The following RPA3 variants were observed in gnomAD, a reference collection of about 807,000 sequenced individuals.
The protein encoded by RPA3 is replication protein A 14 kDa subunit.
Under a neutral mutation model 13.7 loss-of-function variants are expected in RPA3, and 24 were observed. The ratio of observed to expected loss-of-function variants is 1.75; its 90% CI spans 1.27 to 2.46. RPA3 has a LOEUF of 2.46. Among genes scored for constraint, RPA3 ranks in the 30% most tolerant of loss-of-function variants. The pLI, the probability that RPA3 is intolerant of heterozygous loss-of-function variation, is 0.00. For synonymous variants in RPA3, 59 were observed against 51.2 expected (o/e 1.15, Z -0.65); for missense variants, 183 against 151.0 (o/e 1.21, Z -1.11).
chr7:7,709,519 C>G lies in RPA3; in HGVS notation c.-1028+5656G>C, dbSNP rs562842006. On this transcript the variant is annotated intron_variant, in intron 2 of 7. Coordinates refer to ENST00000223129, the MANE Select transcript of RPA3 (RefSeq NM_002947.5). ...GGAGAGAAGGTGAATGACTGGGGGA[C>G]TTGAAGTTGAAAGAAAAGTCAGGCG... Among the ~76,000 whole-genome samples the G allele has an allele frequency of 4.3e-4, 66 of 152,284 alleles. No homozygotes were observed. In the South Asian group the frequency reaches 4.6e-3, roughly 11 times the overall value.
intron 6 of RPA3, 86 bp from the exon 7 acceptor site, chr7:7,638,058 T>C: frequency 1.2e-6 from 1 of 862,542 alleles, no homozygotes; most frequent in Non-Finnish European, 1.8e-6. Flanking sequence ...AGGTTACTAA[T>C]CTATCACTTC....
At chr7:7,649,990 G>A (rs905643935) in intron 4 of RPA3, among the ~76,000 whole-genome samples, 1 of 152,194 alleles carries the variant, frequency 6.6e-6, no homozygotes, top group Non-Finnish European at 1.5e-5. Flanking sequence ...CCAGCCTCTA[G>A]GACTGTGAGA....
intron 4 of RPA3, chr7:7,676,130 G>A: frequency 2.5e-6 from 1 of 398,596 alleles, no homozygotes; most frequent in African/African-American, 2.1e-5. Flanking sequence ...CCAGTGACGT[G>A]CTGTTAAAAG....
intron 2 of RPA3, among the ~76,000 whole-genome samples, chr7:7,695,661 TAAA>T (rs1396844654): frequency 6.6e-6 from 1 of 152,272 alleles, no homozygotes; most frequent in Non-Finnish European, 1.5e-5. Context: ...GGCCCTGAAT[TAAA>T]AAAGACATTG....
chr7:7,709,002 G>T (rs1353286210), intron 2 of RPA3, among the ~76,000 whole-genome samples: 2 of 151,926 alleles, frequency 1.3e-5, no homozygotes, highest in African/African-American at 2.4e-5. Context: ...AGGAAAAGAG[G>T]AGAGGAGGAG....
chr7:7,676,156 A>G, intron 4 of RPA3: 1 of 398,656 alleles, frequency 2.5e-6, no homozygotes, highest in Non-Finnish European at 4.4e-6. Flanking sequence ...ACCCTGGGTC[A>G]GACCCTTTGG....
chr7:7,659,432 G>T (rs886421196), intron 4 of RPA3, among the ~76,000 whole-genome samples: 1 of 152,098 alleles, frequency 6.6e-6, no homozygotes, highest in African/African-American at 2.4e-5. Context: ...ACTTTCTCTT[G>T]TTGGCATTTA....
At chr7:7,654,048 A>C (rs1785286197) in intron 4 of RPA3, among the ~76,000 whole-genome samples, 1 of 152,192 alleles carries the variant, frequency 6.6e-6, no homozygotes, top group Admixed American at 6.5e-5. Flanking sequence ...TCATATTGTG[A>C]ATAAGAAGCA....
At chr7:7,706,307 G>C (rs1192552426) in intron 2 of RPA3, among the ~76,000 whole-genome samples, 1 of 152,144 alleles carries the variant, frequency 6.6e-6, no homozygotes, top group Non-Finnish European at 1.5e-5. Context: ...ATCTAGAAGA[G>C]GTGGAAGTAG....
intron 4 of RPA3, among the ~76,000 whole-genome samples, chr7:7,648,257 C>T (rs1405116292): frequency 6.6e-6 from 1 of 152,226 alleles, no homozygotes; most frequent in Non-Finnish European, 1.5e-5. Flanking sequence ...TTTGACAGAT[C>T]ATGAGTGATT....
intron 4 of RPA3, among the ~76,000 whole-genome samples, chr7:7,683,379 G>A (rs1779959817): frequency 1.3e-5 from 2 of 152,076 alleles, no homozygotes; most frequent in African/African-American, 4.8e-5. Flanking sequence ...TTCATGCAAG[G>A]CTGAGAAGCA....
At chr7:7,655,200 C>T (rs1211402020) in intron 4 of RPA3, among the ~76,000 whole-genome samples, 1 of 151,986 alleles carries the variant, frequency 6.6e-6, no homozygotes, top group African/African-American at 2.4e-5. Flanking sequence ...GCAGACAGAG[C>T]CAGCCATTAA....
At chr7:7,654,566 C>G (rs1785297808) in intron 4 of RPA3, among the ~76,000 whole-genome samples, 1 of 152,122 alleles carries the variant, frequency 6.6e-6, no homozygotes, top group South Asian at 2.1e-4. Flanking sequence ...TATGCTTTAT[C>G]CCTAAATTCC....
At chr7:7,713,996 G>GC (rs1780829925) in intron 2 of RPA3, among the ~76,000 whole-genome samples, 1 of 152,040 alleles carries the variant, frequency 6.6e-6, no homozygotes, top group Admixed American at 6.6e-5. Context: ...CACCACACCT[G>GC]CCCCACACGT....
intron 2 of RPA3, among the ~76,000 whole-genome samples, chr7:7,699,056 G>GC (rs907098043): frequency 6.6e-6 from 1 of 150,920 alleles, no homozygotes; most frequent in East Asian, 1.9e-4. Context: ...GTGTGGGGGG[G>GC]GGGTAGATAC....
At position 7,642,642 on chromosome 7, in the gene RPA3, A is replaced by G. The variant is rs532562605; in HGVS notation, c.-757-1467T>C. On this transcript the variant is annotated intron_variant, in intron 4 of 7. Coordinates refer to ENST00000223129, the MANE Select transcript of RPA3 (RefSeq NM_002947.5). ...ATTTTTGAGTCACTTAAAATATTAT[A>G]AAATACATGATGTACAGAAAAAAGT... is the stretch of plus-strand genomic sequence containing the variant. Among the ~76,000 whole-genome samples, 5 of 152,336 alleles carry G rather than the reference A, an allele frequency of 3.3e-5. No individual in the cohort carries two copies. In the South Asian group the frequency reaches 1.0e-3, roughly 32 times the overall value.
chr7:7,693,040 T>C (rs1027081249), intron 2 of RPA3, among the ~76,000 whole-genome samples: 4 of 152,200 alleles, frequency 2.6e-5, no homozygotes, highest in African/African-American at 9.7e-5. Flanking sequence ...ATCTTTTTTC[T>C]TCCTGTTGAT....
chr7:7,659,290 A>C (rs1437056310), intron 4 of RPA3, among the ~76,000 whole-genome samples: 1 of 151,348 alleles, frequency 6.6e-6, no homozygotes, highest in Non-Finnish European at 1.5e-5. Context: ...AGGGTTTTTC[A>C]TGTCTCTATC....
At chr7:7,713,717 G>A (rs906778217) in intron 2 of RPA3, among the ~76,000 whole-genome samples, 47 of 152,002 alleles carry the variant, frequency 3.1e-4, no homozygotes, top group African/African-American at 1.1e-3. Flanking sequence ...ATTCTAATAT[G>A]TTCATTAATA....
Sources: gnomAD v4.1 joint callset for allele counts (sites outside exome capture counted in the v4.1 genomes callset) on GRCh38, gnomAD v4.1.1 for gene constraint, MANE v1.5 for transcripts, NCBI Gene and HGNC (gene_info 2026-07-23, HGNC 2026-07-21) for gene names.